The following CHRNB4 variants were observed in gnomAD, a reference collection of about 807,000 sequenced individuals.
CHRNB4 encodes cholinergic receptor nicotinic beta 4 subunit.
CHRNB4 carries 23 observed loss-of-function variants against 40.4 expected under a neutral mutation model. The observed-to-expected ratio is 0.57, with a 90% CI of 0.41 to 0.81. CHRNB4 has a LOEUF of 0.81. CHRNB4 is among the 30% of genes least tolerant of loss of function. The probability of loss-of-function intolerance (pLI) is 0.00; values close to 1 mark genes in which losing one functional copy is unlikely to be tolerated. For synonymous variants in CHRNB4, 285 were observed against 274.4 expected, an observed-to-expected ratio of 1.04 and a Z score of -0.38; for missense variants, 568 against 670.6, an observed-to-expected ratio of 0.85 and a Z score of 1.69.
chr15:78,656,922 T>C (rs1031048871), intron 3 of CHRNB4, among the ~76,000 whole-genome samples: 6 of 152,244 alleles, frequency 3.9e-5, no homozygotes, highest in African/African-American at 1.4e-4. Context: ...CTTCTGTACA[T>C]TGGAGACCAG....
chr15:78,631,142 T>A lies in CHRNB4; in HGVS notation c.293A>T (p.Glu98Val). 1 of 1,614,214 alleles carries A rather than the reference T, an allele frequency of 6.2e-7. No homozygotes were observed. The highest frequency in any genetic ancestry group is 8.5e-7 in the Non-Finnish European group (1 of 1,180,044). Reference sequence around the variant, plus strand: ...AGGGATCCTCAGGATGTTCACACCCTCGTAGCGGGAGCTGTTCCAGGTCAG... The same window carrying A: ...AGGGATCCTCAGGATGTTCACACCCACGTAGCGGGAGCTGTTCCAGGTCAG... The part of the protein sequence containing the change: ...YRLTWNSSRY[E>V]GVNILRIPAK... The change falls in exon 4 of 6, where the codon GAG becomes GTG. Residue 98 changes from glutamate to valine, a missense_variant. Around this residue, in one of 4 missense-constraint regions of CHRNB4, gnomAD observed 161 missense variants for 148.1 expected, o/e 1.09. Transcript: ENST00000261751.
intron 1 of CHRNB4, among the ~76,000 whole-genome samples, chr15:78,637,395 G>A (rs908805123): frequency 2.6e-5 from 4 of 152,146 alleles, no homozygotes; most frequent in Non-Finnish European, 5.9e-5. Context: ...GGACATCTGA[G>A]GAGGCAAGCC....
intron 1 of CHRNB4, among the ~76,000 whole-genome samples, chr15:78,658,738 G>A (rs1362885694): frequency 6.6e-6 from 1 of 152,086 alleles, no homozygotes; most frequent in Non-Finnish European, 1.5e-5. Flanking sequence ...ATTTTGAAGA[G>A]GGGGAAAAAA....
intron 5 of CHRNB4, among the ~76,000 whole-genome samples, chr15:78,628,727 C>T (rs929397318): frequency 4.6e-5 from 7 of 152,188 alleles, no homozygotes; most frequent in African/African-American, 1.4e-4. Context: ...CCCAAGTCCC[C>T]ATCTTGGCGT....
intron 1 of CHRNB4, among the ~76,000 whole-genome samples, chr15:78,640,705 C>G (rs1329258307): frequency 1.3e-5 from 2 of 152,346 alleles, no homozygotes; most frequent in African/African-American, 4.8e-5. Context: ...GGAGCCTCGG[C>G]CCTGTTGGGA....
At chr15:78,640,968 G>A in intron 1 of CHRNB4, 111 bp downstream of exon 1, 1 of 1,237,630 alleles carries the variant, frequency 8.1e-7, no homozygotes, top group South Asian at 1.3e-5. Flanking sequence ...GGACAATCTC[G>A]GGCCACTCCC....
chr15:78,642,675 G>A (rs2054091264), upstream of CHRNB4, among the ~76,000 whole-genome samples: 1 of 152,196 alleles, frequency 6.6e-6, no homozygotes, highest in Non-Finnish European at 1.5e-5. Flanking sequence ...AGCTGTAAAA[G>A]TTAGGCTAGC....
intron 5 of CHRNB4, chr15:78,655,497 A>T (rs927777928): frequency 6.9e-6 from 1 of 144,200 alleles, no homozygotes; most frequent in African/African-American, 2.8e-5. Context: ...ATATAATTAC[A>T]TATGTATATA....
Position 78,629,044 on chromosome 15 carries a change from G to T in CHRNB4, c.1261C>A (p.Arg421=), listed in dbSNP as rs534736744. The change falls in exon 5 of 6, where the codon CGA becomes AGA. Residue 421 remains arginine (R), a synonymous_variant. Transcript: ENST00000261751. The surrounding 1 kb of genome is among the most constrained non-coding windows in gnomAD (Gnocchi z 6.8). ...DFWLRSSGRF[R]QDVQEALEGV... is the part of the protein sequence containing the mutation. ...TCTAATGCCTCCTGCACATCCTGTC[G>T]GAACCTCCCAGAGGACCGCAGCCAG... The T allele has an allele frequency of 3.1e-6, 5 of 1,614,144 alleles. No homozygotes were observed. In the South Asian group the frequency reaches 5.5e-5, roughly 18 times the overall value.
At chr15:78,631,716 C>T (rs193251086) in intron 2 of CHRNB4, among the ~76,000 whole-genome samples, 20 of 152,282 alleles carry the variant, frequency 1.3e-4, no homozygotes, top group South Asian at 2.1e-4. Flanking sequence ...CTTAGACTAC[C>T]GCAGGAGCCC....
chr15:78,630,960 G>T, intron 4 of CHRNB4, 116 bp downstream of exon 4: 4 of 772,808 alleles, frequency 5.2e-6, no homozygotes, highest in African/African-American at 1.7e-5. Flanking sequence ...TGGCCTGGAA[G>T]GCTGGGTAAA....
At chr15:78,633,866 G>A (rs1368986999) in intron 2 of CHRNB4, among the ~76,000 whole-genome samples, 1 of 150,068 alleles carries the variant, frequency 6.7e-6, no homozygotes, top group Non-Finnish European at 1.5e-5. Flanking sequence ...AGAGTCAGCA[G>A]AGGAAACAGT....
chr15:78,652,450 G>A (rs1372797150), intron 6 of CHRNB4: 2 of 152,370 alleles, frequency 1.3e-5, no homozygotes, highest in African/African-American at 4.8e-5. Flanking sequence ...GAGGCCTTGT[G>A]GAGTGCAGCC....
Position 78,629,442 on chromosome 15 carries a change from G to T in CHRNB4, c.863C>A (p.Thr288Asn). ...GCCGATGAGAGGCACATCGAGGGAGGTGGGTGGCACGATCTTGGAGATGAG... is the reference window on the plus strand; with the variant it reads ...GCCGATGAGAGGCACATCGAGGGAGTTGGGTGGCACGATCTTGGAGATGAG... ...LLLISKIVPP[T>N]SLDVPLIGKY... is the part of the protein sequence containing the mutation. The change falls in exon 5 of 6, where the codon ACC becomes AAC. Residue 288 changes from threonine to asparagine, a missense_variant. Thr to Asn is a moderately conservative substitution (Grantham distance 65, BLOSUM62 0). Coordinates refer to ENST00000261751, the MANE Select transcript of CHRNB4 (RefSeq NM_000750.5). The surrounding 1 kb of genome is among the most constrained non-coding windows in gnomAD (Gnocchi z 6.8). The T allele has an allele frequency of 6.2e-7, 1 of 1,614,130 alleles. No individual in the cohort carries two copies. Among genetic ancestry groups the T allele is most frequent in the Non-Finnish European group, 8.5e-7 (1 of 1,179,984 alleles).
Position 78,629,465 on chromosome 15 carries a change from G to C in CHRNB4, c.840C>G (p.Leu280=), listed in dbSNP as rs55859769. The C allele has an allele frequency of 6.2e-7, 1 of 1,614,066 alleles. No homozygotes were observed. The highest frequency in any genetic ancestry group is 1.3e-5 in the African/African-American group (1 of 74,922). The part of the protein sequence containing the change: ...VLLALTFFLL[L]ISKIVPPTSL... Reference sequence around the variant, plus strand: ...AGGTGGGTGGCACGATCTTGGAGATGAGCAGCAGGAAGAATGTCAGTGCCA... The same window carrying C: ...AGGTGGGTGGCACGATCTTGGAGATCAGCAGCAGGAAGAATGTCAGTGCCA... The change falls in exon 5 of 6, where the codon CTC becomes CTG. Residue 280 remains leucine, a synonymous_variant. Coordinates refer to ENST00000261751, the MANE Select transcript of CHRNB4 (RefSeq NM_000750.5). This position sits in a 1 kb window ranked among gnomAD's most constrained non-coding sequence, Gnocchi z 6.8.
rs2053795913 is a variant in CHRNB4, at chr15:78,631,068, C to T, written c.359+8G>A. The stretch of plus-strand genomic sequence containing the variant: ...TGTCACCAGGCCTCCACCAACCCTG[C>T]CACTCACTTGTTGTAAAGCACGATG... On this transcript the variant is annotated splice_region_variant and intron_variant, in intron 4 of 5. Coordinates refer to ENST00000261751, the MANE Select transcript of CHRNB4 (RefSeq NM_000750.5). 5 of 1,611,686 alleles carry T rather than the reference C, an allele frequency of 3.1e-6. No homozygotes were observed. In the Admixed American group the frequency reaches 8.3e-5, roughly 27 times the overall value.
chr15:78,625,203 C>T lies in CHRNB4; in HGVS notation c.1427G>A (p.Gly476Glu). ...FMFVCVLGTVGLFLPPLFQTH... is the reference protein window; with the variant it reads ...FMFVCVLGTVELFLPPLFQTH... ...CTGGAAGAGGGGCGGTAGGAAGAGC[C>T]CCACAGTGCCCAGGACGCACACAAA... The change falls in exon 6 of 6, where the codon GGG becomes GAG. Residue 476 changes from glycine (G) to glutamate (E), a missense_variant. By Grantham distance (98) the Gly-to-Glu change is moderately conservative. Transcript: ENST00000261751. 1.2e-6 allele frequency: 2 copies of T among 1,607,838 alleles called. No individual in the cohort carries two copies. Among genetic ancestry groups the T allele is most frequent in the Non-Finnish European group, 1.7e-6 (2 of 1,177,162 alleles).
chr15:78,653,292 C>G (rs761277028), intron 5 of CHRNB4, among the ~76,000 whole-genome samples: 6 of 152,180 alleles, frequency 3.9e-5, no homozygotes, highest in Non-Finnish European at 8.8e-5. Flanking sequence ...GGCTTTAAGT[C>G]TAAAGGGTTC....
chr15:78,644,106 T>C (rs1199240578), upstream of CHRNB4, among the ~76,000 whole-genome samples: 1 of 150,676 alleles, frequency 6.6e-6, no homozygotes, highest in African/African-American at 2.4e-5. Context: ...GAGCTTGCAG[T>C]GAGCGGAGAT....
Sources: gnomAD v4.1 joint callset for allele counts (sites outside exome capture counted in the v4.1 genomes callset) on GRCh38, gnomAD v4.1.1 for gene constraint, gnomAD v4.1.1 regional missense constraint, Gnocchi (gnomAD v3.1) non-coding constraint, MANE v1.5 for transcripts, NCBI Gene and HGNC (gene_info 2026-07-23, HGNC 2026-07-21) for gene names.